ST18: variants seen among roughly 807,000 people sequenced by gnomAD.
ST18 encodes ST18 C2H2C-type zinc finger transcription factor.
Under a neutral mutation model 110.0 loss-of-function variants are expected in ST18, and 50 were observed. The ratio of observed to expected loss-of-function variants is 0.45; its 90% CI spans 0.36 to 0.58. The LOEUF is 0.58. Among genes scored for constraint, ST18 ranks in the 20% least tolerant of loss-of-function variants. The pLI, the probability that ST18 is intolerant of heterozygous loss-of-function variation, is 0.00. For synonymous variants in ST18, 461 were observed against 452.4 expected (o/e 1.02, Z -0.24); for missense variants, 1,306 against 1,280.1 (o/e 1.02, Z -0.31).
chr8:52,394,223 G>A (rs1467368529), intron 2 of ST18, among the ~76,000 whole-genome samples: 1 of 152,164 alleles, frequency 6.6e-6, no homozygotes, highest in Non-Finnish European at 1.5e-5. Flanking sequence ...CATTCCCTCA[G>A]TAATTTCTGC....
chr8:52,140,017 A>G (rs1180897405), intron 17 of ST18, among the ~76,000 whole-genome samples: 1 of 152,242 alleles, frequency 6.6e-6, no homozygotes, highest in African/African-American at 2.4e-5. Context: ...AGTAAGTGGC[A>G]CTGAAACCGT....
At chr8:52,133,444 G>A (rs2050605948) in intron 19 of ST18, 143 bp from the exon 20 acceptor site, 2 of 848,752 alleles carry the variant, frequency 2.4e-6, no homozygotes, top group Non-Finnish European at 3.7e-6. Flanking sequence ...GGGTCACACA[G>A]CCAAATGTAA....
intron 2 of ST18, among the ~76,000 whole-genome samples, chr8:52,265,943 G>A (rs1297729985): frequency 1.3e-5 from 2 of 152,140 alleles, no homozygotes; most frequent in Non-Finnish European, 2.9e-5. Flanking sequence ...TTAGGGACAA[G>A]CACAGGAGGT....
chr8:52,303,562 T>G (rs1401371762), intron 2 of ST18, among the ~76,000 whole-genome samples: 1 of 152,156 alleles, frequency 6.6e-6, no homozygotes, highest in Non-Finnish European at 1.5e-5. Context: ...AATCAAGAGA[T>G]CACAGTGGAC....
intron 2 of ST18, among the ~76,000 whole-genome samples, chr8:52,371,730 T>C (rs1240865033): frequency 6.6e-6 from 1 of 152,144 alleles, no homozygotes; most frequent in Non-Finnish European, 1.5e-5. Flanking sequence ...CACACGGTGA[T>C]CCCATAAGAC....
At chr8:52,361,309 G>A (rs764809912) in intron 2 of ST18, among the ~76,000 whole-genome samples, 6 of 152,118 alleles carry the variant, frequency 3.9e-5, no homozygotes, top group Admixed American at 1.3e-4. Flanking sequence ...TAATCAATAG[G>A]CTTTCTAATT....
At chr8:52,376,917 T>A (rs1245167406) in intron 2 of ST18, among the ~76,000 whole-genome samples, 1 of 152,232 alleles carries the variant, frequency 6.6e-6, no homozygotes, top group Non-Finnish European at 1.5e-5. Flanking sequence ...TTTTCATCCT[T>A]ATTAAGTACT....
At chr8:52,289,390 G>T (rs1325652837) in intron 2 of ST18, among the ~76,000 whole-genome samples, 6 of 152,154 alleles carry the variant, frequency 3.9e-5, no homozygotes, top group African/African-American at 1.4e-4. Flanking sequence ...AGCCCAGGAA[G>T]TTGAGGCTTC....
At chr8:52,206,398 T>C (rs2080085641) in intron 8 of ST18, 1 of 152,240 alleles carries the variant, frequency 6.6e-6, no homozygotes, top group Admixed American at 6.5e-5. Flanking sequence ...TTTTTTTGTT[T>C]TTATTCTTAT....
intron 2 of ST18, among the ~76,000 whole-genome samples, chr8:52,302,253 G>T (rs1393598538): frequency 6.6e-6 from 1 of 152,202 alleles, no homozygotes; most frequent in Non-Finnish European, 1.5e-5. Flanking sequence ...AGAGAGGAAT[G>T]CTACAAATGT....
chr8:52,343,006 T>G (rs575120894), intron 2 of ST18, among the ~76,000 whole-genome samples: 1 of 152,132 alleles, frequency 6.6e-6, no homozygotes, highest in African/African-American at 2.4e-5. Flanking sequence ...TGGAAATACG[T>G]TGCCTACAGT....
chr8:52,379,378 A>G (rs1402493472), intron 2 of ST18, among the ~76,000 whole-genome samples: 1 of 152,078 alleles, frequency 6.6e-6, no homozygotes, highest in African/African-American at 2.4e-5. Flanking sequence ...GATTACAGGC[A>G]TGAGACACCA....
At chr8:52,323,864 G>T (rs555656007) in intron 2 of ST18, among the ~76,000 whole-genome samples, 1 of 152,180 alleles carries the variant, frequency 6.6e-6, no homozygotes, top group South Asian at 2.1e-4. Context: ...ATGACCTTTG[G>T]AATGGGAAAG....
intron 2 of ST18, among the ~76,000 whole-genome samples, chr8:52,320,434 A>C (rs562020150): frequency 3.3e-5 from 5 of 152,162 alleles, no homozygotes; most frequent in Non-Finnish European, 5.9e-5. Flanking sequence ...CTTAAGCTGC[A>C]TATTGGGAGA....
chr8:52,255,589 T>C (rs1361404119), intron 2 of ST18, among the ~76,000 whole-genome samples: 1 of 152,306 alleles, frequency 6.6e-6, no homozygotes, highest in African/African-American at 2.4e-5. Flanking sequence ...TTTCTGCTGG[T>C]AGGGCTGAAC....
intron 16 of ST18, among the ~76,000 whole-genome samples, chr8:52,148,748 G>A (rs2058056874): frequency 1.3e-5 from 2 of 150,932 alleles, no homozygotes; most frequent in Admixed American, 1.3e-4. Flanking sequence ...AGGGAAGGGG[G>A]AAAGAAAAAC....
intron 2 of ST18, among the ~76,000 whole-genome samples, chr8:52,288,285 C>A (rs891230781): frequency 1.3e-5 from 2 of 152,104 alleles, no homozygotes; most frequent in African/African-American, 4.8e-5. Flanking sequence ...ATCTGCAAAT[C>A]AGACTCAGAA....
At chr8:52,134,136 T>C (rs1001207894) in intron 19 of ST18, among the ~76,000 whole-genome samples, 1 of 152,238 alleles carries the variant, frequency 6.6e-6, no homozygotes. Flanking sequence ...CTGCAGAGAC[T>C]TGGAACATTT....
chr8:52,358,697 T>C (rs6473718), intron 2 of ST18, among the ~76,000 whole-genome samples: 149,670 of 152,098 alleles, frequency 0.98, 73,686 homozygotes, highest in Middle Eastern at 1. Flanking sequence ...AGAGATTGAA[T>C]AAGTAATAAT....
Sources: allele counts gnomAD v4.1 joint callset (sites outside exome capture counted in the v4.1 genomes callset), GRCh38; gene constraint gnomAD v4.1.1; transcripts MANE v1.5; gene names NCBI Gene and HGNC (gene_info 2026-07-23, HGNC 2026-07-21).